SULT6B1: variants seen among roughly 807,000 people sequenced by gnomAD.
The protein encoded by SULT6B1 is sulfotransferase 6B1.
Under a neutral mutation model 37.2 loss-of-function variants are expected in SULT6B1, and 44 were observed. The observed-to-expected ratio is 1.18, with a 90% CI of 0.93 to 1.52. The LOEUF is 1.52. SULT6B1 is among the 40% of genes most tolerant of loss of function. The probability of loss-of-function intolerance (pLI) is 0.00; values close to 1 mark genes in which losing one functional copy is unlikely to be tolerated. For missense variants in SULT6B1, 450 were observed against 361.0 expected, an observed-to-expected ratio of 1.25 and a Z score of -2.00; for synonymous variants, 140 against 126.0, an observed-to-expected ratio of 1.11 and a Z score of -0.74.
intron 4 of SULT6B1, among the ~76,000 whole-genome samples, chr2:37,175,605 T>A (rs1676408059): frequency 6.6e-6 from 1 of 152,182 alleles, no homozygotes; most frequent in South Asian, 2.1e-4. Flanking sequence ...TAGACCATCG[T>A]TGTTCAATAA....
intron 5 of SULT6B1, among the ~76,000 whole-genome samples, chr2:37,171,865 T>C (rs1354028449): frequency 6.6e-6 from 1 of 152,208 alleles, no homozygotes; most frequent in East Asian, 1.9e-4. Flanking sequence ...GTAACATTAA[T>C]TCACAGGTTA....
intron 4 of SULT6B1, 79 bp from the exon 5 acceptor site, chr2:37,175,305 A>G (rs1233942883): frequency 7.9e-6 from 6 of 758,940 alleles, no homozygotes; most frequent in Admixed American, 3.0e-5. Flanking sequence ...GCTATAAAAT[A>G]TAAACTATAC....
chr2:37,171,314 C>T, intron 6 of SULT6B1, 120 bp downstream of exon 6: 1 of 1,246,948 alleles, frequency 8.0e-7, no homozygotes, highest in Non-Finnish European at 1.1e-6. Flanking sequence ...GTCCAGACCT[C>T]TTACTGAGGC....
intron 3 of SULT6B1, among the ~76,000 whole-genome samples, chr2:37,182,711 A>G (rs62134998): frequency 0.3 from 45,482 of 152,096 alleles, 7,858 homozygotes; most frequent in East Asian, 0.78. Flanking sequence ...AATAAGGAAC[A>G]GAGGGGAGAC....
upstream of SULT6B1, among the ~76,000 whole-genome samples, chr2:37,193,596 AAAAG>A (rs1676827514): frequency 9.0e-6 from 1 of 111,530 alleles, no homozygotes; most frequent in African/African-American, 3.1e-5. Context: ...AAGAAGAAGA[AAAAG>A]AAGAAGAAGA....
intron 5 of SULT6B1, among the ~76,000 whole-genome samples, chr2:37,173,551 C>T (rs13018873): frequency 6.6e-6 from 1 of 151,910 alleles, no homozygotes; most frequent in African/African-American, 2.4e-5. Context: ...TTAATGTGTC[C>T]AAAACCAAAC....
chr2:37,188,367 C>T, intron 1 of SULT6B1, 75 bp downstream of exon 1: 4 of 1,297,724 alleles, frequency 3.1e-6, no homozygotes, highest in Non-Finnish European at 2.2e-6. Flanking sequence ...CCGCCTTCAT[C>T]CCACCTTTGT....
Position 37,179,387 on chromosome 2 carries a change from A to G in SULT6B1, c.529+71T>C. On this transcript the variant is annotated intron_variant, in intron 4 of 6. Coordinates refer to ENST00000535679, the MANE Select transcript of SULT6B1 (RefSeq NM_001367551.1). ...CTAAATCTTCTTCCTTTACCCTAAA[A>G]CACATTTGGGTTTTCACATTTATGT... is the stretch of plus-strand genomic sequence containing the variant. 12 of 1,586,926 alleles carry G rather than the reference A, an allele frequency of 7.6e-6. No homozygotes were observed. The South Asian group carries it at 1.4e-4, about 18-fold the overall frequency.
At chr2:37,185,619 G>T (rs1170098525) in intron 2 of SULT6B1, among the ~76,000 whole-genome samples, 1 of 150,366 alleles carries the variant, frequency 6.7e-6, no homozygotes, top group East Asian at 2.0e-4. Flanking sequence ...TCGAGAGGCT[G>T]AGGCAGGAGA....
chr2:37,176,852 G>C (rs1676442876), intron 4 of SULT6B1, among the ~76,000 whole-genome samples: 1 of 152,128 alleles, frequency 6.6e-6, no homozygotes, highest in Non-Finnish European at 1.5e-5. Context: ...GAGTCTGCTG[G>C]AAGGTTTCTG....
chr2:37,194,146 G>T (rs1676843382), intron 1 of SULT6B1, among the ~76,000 whole-genome samples: 1 of 151,296 alleles, frequency 6.6e-6, no homozygotes, highest in South Asian at 2.1e-4. Context: ...AAGATTCAGT[G>T]GTTAGTTCTC....
rs149421113 is a variant in SULT6B1, at chr2:37,177,970, G to T, written c.529+1488C>A. On this transcript the variant is annotated intron_variant, in intron 4 of 6. Coordinates refer to ENST00000535679, the MANE Select transcript of SULT6B1 (RefSeq NM_001367551.1). ...AGACTCAAAAGAGCCACTAAAAAAA[G>T]GAATCAGTTACTGGTCTCTGGCCAC... 7.2e-5 allele frequency among the ~76,000 whole-genome samples: 11 copies of T among 152,246 alleles called. 1 individual carries two copies. Among genetic ancestry groups the T allele is most frequent in the African/African-American group, 2.6e-4 (11 of 41,546 alleles).
chr2:37,175,869 A>T (rs915137324), intron 4 of SULT6B1, among the ~76,000 whole-genome samples: 16 of 152,372 alleles, frequency 1.1e-4, no homozygotes, highest in Non-Finnish European at 1.8e-4. Flanking sequence ...ATTTAGATTT[A>T]ATAAAACGTA....
At chr2:37,183,634 T>C in intron 2 of SULT6B1, 120 bp from the exon 3 acceptor site, 1 of 677,694 alleles carries the variant, frequency 1.5e-6, no homozygotes, top group Non-Finnish European at 2.5e-6. Flanking sequence ...CACTATATCT[T>C]CTCCTCCTCC....
chr2:37,184,592 G>A (rs1265515087), intron 2 of SULT6B1, among the ~76,000 whole-genome samples: 2 of 152,176 alleles, frequency 1.3e-5, no homozygotes, highest in African/African-American at 2.4e-5. Flanking sequence ...ATATTCAGAT[G>A]TTTGTAGCCA....
chr2:37,181,247 C>T (rs558563300), intron 3 of SULT6B1, among the ~76,000 whole-genome samples: 1 of 152,310 alleles, frequency 6.6e-6, no homozygotes, highest in Admixed American at 6.5e-5. Context: ...ATATTTGAGG[C>T]TTTAACTACC....
intron 3 of SULT6B1, among the ~76,000 whole-genome samples, chr2:37,181,406 G>A (rs950547316): frequency 1.3e-5 from 2 of 152,106 alleles, no homozygotes; most frequent in African/African-American, 4.8e-5. Context: ...TTTTCAGACC[G>A]GGTCTGACTC....
At chr2:37,185,548 C>A (rs1676653156) in intron 2 of SULT6B1, among the ~76,000 whole-genome samples, 3 of 151,860 alleles carry the variant, frequency 2.0e-5, no homozygotes, top group African/African-American at 7.3e-5. Context: ...GAAACCCCGT[C>A]TCTACTAAAA....
chr2:37,170,943 A>AGAT (rs1408242240), intron 6 of SULT6B1, among the ~76,000 whole-genome samples: 1 of 151,834 alleles, frequency 6.6e-6, no homozygotes, highest in African/African-American at 2.4e-5. Context: ...GGACCCTAAA[A>AGAT]GATGGTATGG....
Sources: gnomAD v4.1 joint callset for allele counts (sites outside exome capture counted in the v4.1 genomes callset) on GRCh38, gnomAD v4.1.1 for gene constraint, MANE v1.5 for transcripts, NCBI Gene and HGNC (gene_info 2026-07-23, HGNC 2026-07-21) for gene names.